Variants in FGD4 observed in about 807,000 individuals in gnomAD.
The protein encoded by FGD4 is FYVE, RhoGEF and PH domain-containing protein 4.
Under a neutral mutation model 102.0 loss-of-function variants are expected in FGD4, and 42 were observed. The observed-to-expected ratio is 0.41, with a 90% CI of 0.32 to 0.53. The LOEUF (loss-of-function observed/expected upper bound fraction) is 0.53, where lower values mean the gene tolerates loss of function less well. Among genes scored for constraint, FGD4 ranks in the 20% least tolerant of loss-of-function variants. The pLI is 0.21. For synonymous variants in FGD4, 380 were observed against 375.7 expected, an observed-to-expected ratio of 1.01 and a Z score of -0.13; for missense variants, 902 against 1,078.2, an observed-to-expected ratio of 0.84 and a Z score of 2.29.
intron 1 of FGD4, among the ~76,000 whole-genome samples, chr12:32,403,830 C>T (rs1940801694): frequency 6.6e-6 from 1 of 151,988 alleles, no homozygotes; most frequent in Admixed American, 6.6e-5. Context: ...ATCATGACCT[C>T]GTGATCCGCC....
At chr12:32,501,423 G>A (rs927608143) in intron 1 of FGD4, among the ~76,000 whole-genome samples, 1 of 152,178 alleles carries the variant, frequency 6.6e-6, no homozygotes, top group Admixed American at 6.5e-5. Flanking sequence ...GGACCAGGGT[G>A]TGGGCAACTG....
intron 1 of FGD4, among the ~76,000 whole-genome samples, chr12:32,511,547 C>T (rs369223819): frequency 3.9e-5 from 6 of 152,192 alleles, no homozygotes; most frequent in Admixed American, 6.5e-5. Flanking sequence ...CGTGATCCGC[C>T]CGCCTCGGCC....
At chr12:32,446,642 A>G (rs1366765232) in intron 1 of FGD4, among the ~76,000 whole-genome samples, 2 of 152,160 alleles carry the variant, frequency 1.3e-5, no homozygotes, top group African/African-American at 2.4e-5. Flanking sequence ...GGAAACAGGA[A>G]ACAAACTTCC....
intron 2 of FGD4, among the ~76,000 whole-genome samples, chr12:32,565,132 G>A (rs547460828): frequency 2.0e-5 from 3 of 152,246 alleles, no homozygotes; most frequent in Admixed American, 6.5e-5. Flanking sequence ...TCTCTTTCCT[G>A]TTCTTGCAAA....
At chr12:32,493,183 A>G (rs544713927) in intron 1 of FGD4, among the ~76,000 whole-genome samples, 1 of 152,362 alleles carries the variant, frequency 6.6e-6, no homozygotes, top group Non-Finnish European at 1.5e-5. Flanking sequence ...ACCTGGCAAT[A>G]TAGCAGAGAA....
chr12:32,456,240 C>T (rs1447873770), intron 1 of FGD4, among the ~76,000 whole-genome samples: 1 of 152,086 alleles, frequency 6.6e-6, no homozygotes, highest in Non-Finnish European at 1.5e-5. Context: ...CCCATTTTTT[C>T]ACTGTAATAG....
chr12:32,414,658 A>C (rs746485955), intron 1 of FGD4, among the ~76,000 whole-genome samples: 1 of 152,140 alleles, frequency 6.6e-6, no homozygotes, highest in Non-Finnish European at 1.5e-5. Flanking sequence ...AGCACCCACA[A>C]ATAAGTGAGA....
At chr12:32,416,947 A>G (rs1190956673) in intron 1 of FGD4, among the ~76,000 whole-genome samples, 1 of 148,236 alleles carries the variant, frequency 6.7e-6, no homozygotes, top group Admixed American at 6.8e-5. Flanking sequence ...CCCAGGTTGG[A>G]GTGCAATGGC....
chr12:32,596,461 G>A lies in FGD4; in HGVS notation c.1012-2036G>A, dbSNP rs113894249. The stretch of plus-strand genomic sequence containing the variant: ...GTGCCTGTGATGATAAAAGTTTGAG[G>A]AAGTGAGTAGAGGTTTGAATAACCC... On this transcript the variant is annotated intron_variant, in intron 4 of 16. Transcript: ENST00000534526. 5.9e-3 allele frequency among the ~76,000 whole-genome samples: 903 copies of A among 152,278 alleles called. 4 individuals carry two copies. Among genetic ancestry groups the A allele is most frequent in the Non-Finnish European group, 9.6e-3 (654 of 68,018 alleles).
chr12:32,632,687 A>ATTTT (rs201220345), intron 14 of FGD4, among the ~76,000 whole-genome samples: 4 of 144,856 alleles, frequency 2.8e-5, no homozygotes, highest in Non-Finnish European at 6.0e-5. Flanking sequence ...TTTTATTTTT[A>ATTTT]TTTTTATTTA....
intron 1 of FGD4, among the ~76,000 whole-genome samples, chr12:32,548,413 TA>T (rs200062455): frequency 0.015 from 2,254 of 152,362 alleles, 30 homozygotes; most frequent in Non-Finnish European, 0.021. Context: ...GATCTTATGA[TA>T]CTTGTCTCAA....
intron 11 of FGD4, 77 bp from the exon 12 acceptor site, chr12:32,624,345 C>T: frequency 8.4e-7 from 1 of 1,186,160 alleles, no homozygotes; most frequent in Non-Finnish European, 1.2e-6. Context: ...GTTGGAACAA[C>T]AGGAAAGCAT....
Position 32,641,964 on chromosome 12 carries a change from C to A in FGD4, c.*1431C>A, listed in dbSNP as rs1278965839. ...CCAAACATTGTCACTTTTTAATGTACCAGTCTGCTAGAAATCTACAAGAAT... is the reference window on the plus strand; with the variant it reads ...CCAAACATTGTCACTTTTTAATGTAACAGTCTGCTAGAAATCTACAAGAAT... On this transcript the variant is annotated 3_prime_UTR_variant, in exon 17 of 17. Coordinates refer to ENST00000534526, the MANE Select transcript of FGD4 (RefSeq NM_001370298.3). The A allele has an allele frequency of 3.3e-5, 5 of 152,066 alleles. No homozygotes were observed. The highest frequency in any genetic ancestry group is 7.4e-5 in the Non-Finnish European group (5 of 67,980). 9.4% of individuals were successfully genotyped at this position (152,066 alleles called of 1,614,324 possible).
chr12:32,407,238 G>A (rs1269765484), intron 1 of FGD4, among the ~76,000 whole-genome samples: 1 of 147,568 alleles, frequency 6.8e-6, no homozygotes. Flanking sequence ...TGATTCTCCT[G>A]CCTCAGCCTT....
chr12:32,550,381 A>G (rs1036610184), intron 1 of FGD4, among the ~76,000 whole-genome samples: 1 of 152,184 alleles, frequency 6.6e-6, no homozygotes, highest in African/African-American at 2.4e-5. Flanking sequence ...GTTTTTAAAA[A>G]GTAGATGGGC....
At chr12:32,538,261 C>G (rs1435733215) in intron 1 of FGD4, among the ~76,000 whole-genome samples, 1 of 152,106 alleles carries the variant, frequency 6.6e-6, no homozygotes, top group African/African-American at 2.4e-5. Flanking sequence ...GTGTTCACTG[C>G]TATGTTCCTA....
intron 10 of FGD4, among the ~76,000 whole-genome samples, chr12:32,617,340 C>T (rs1483448673): frequency 6.6e-6 from 1 of 152,114 alleles, no homozygotes; most frequent in African/African-American, 2.4e-5. Flanking sequence ...TAATTTTTCC[C>T]TTATTTAATC....
At chr12:32,425,187 G>C (rs915237652) in intron 1 of FGD4, among the ~76,000 whole-genome samples, 1 of 152,136 alleles carries the variant, frequency 6.6e-6, no homozygotes, top group Non-Finnish European at 1.5e-5. Flanking sequence ...TTTTCTTCTA[G>C]GGCTTTTAAG....
intron 1 of FGD4, among the ~76,000 whole-genome samples, chr12:32,478,062 C>A (rs1456882232): frequency 7.9e-5 from 12 of 152,194 alleles, no homozygotes; most frequent in Non-Finnish European, 4.4e-5. Flanking sequence ...CAAATTAATG[C>A]CCTGTGACAA....
Sources: allele counts gnomAD v4.1 joint callset (sites outside exome capture counted in the v4.1 genomes callset), GRCh38; gene constraint gnomAD v4.1.1; transcripts MANE v1.5; gene names NCBI Gene and HGNC (gene_info 2026-07-23, HGNC 2026-07-21).